CACNA1H: variants seen among roughly 807,000 people sequenced by gnomAD.
CACNA1H encodes the protein calcium voltage-gated channel subunit alpha1 H.
In CACNA1H, 149 loss-of-function variants were observed where a neutral mutation model predicts 192.5. That is an observed-to-expected ratio of 0.77 (90% CI 0.68 to 0.89). The LOEUF (loss-of-function observed/expected upper bound fraction) is 0.89. Among genes scored for constraint, CACNA1H ranks in the 40% least tolerant of loss-of-function variants. The probability of loss-of-function intolerance (pLI) is 0.00; values close to 1 mark genes in which losing one functional copy is unlikely to be tolerated. For missense variants in CACNA1H, 4,257 were observed against 3,423.5 expected, an observed-to-expected ratio of 1.24 and a Z score of -6.08; for synonymous variants, 2,202 against 1,475.2, an observed-to-expected ratio of 1.49 and a Z score of -11.29.
Position 1,195,191 on chromosome 16 carries a change from TGGGTCA to T in CACNA1H, c.411+114_411+119del, listed in dbSNP as rs1335962353. 4.2e-4 allele frequency: 179 copies of T among 424,172 alleles called. No individual in the cohort carries two copies. In the African/African-American group the frequency reaches 8.2e-3, roughly 19 times the overall value. The allele number at this position is 424,172 out of a possible 1,614,324, so 26.3% of individuals were successfully genotyped here. ...GCAAGGTTCAAGGTGGGGCGTGGAGTGGGTCAGGGTCGGGGATCAGGGCGAGGTTCA... is the reference window on the plus strand; with the variant it reads ...GCAAGGTTCAAGGTGGGGCGTGGAGTGGGTCGGGGATCAGGGCGAGGTTCA... On this transcript the variant is annotated intron_variant, in intron 3 of 34. Transcript: ENST00000348261.
chr16:1,189,144 A>G (rs79796885), intron 2 of CACNA1H, among the ~76,000 whole-genome samples: 5,286 of 152,224 alleles, frequency 0.035, 227 homozygotes, highest in African/African-American at 0.1. Flanking sequence ...GCGGTGTGCA[A>G]CAGGAAGCCT....
intron 2 of CACNA1H, among the ~76,000 whole-genome samples, chr16:1,168,330 A>G (rs953574487): frequency 3.9e-5 from 6 of 152,036 alleles, no homozygotes; most frequent in Middle Eastern, 3.4e-3. Flanking sequence ...CAAAGCAGGA[A>G]GGTCTGAAGC....
intron 2 of CACNA1H, among the ~76,000 whole-genome samples, chr16:1,174,886 CAG>C (rs1491232550): frequency 2.6e-5 from 4 of 152,112 alleles, no homozygotes; most frequent in South Asian, 4.1e-4. Context: ...GGTGGGCAGG[CAG>C]GGGGCCGGCG....
At position 1,202,175 on chromosome 16, in the gene CACNA1H, C is replaced by G. The variant is rs1968019257; in HGVS notation, c.1725C>G (p.Ile575Met). ...GPPDAESVHS[I>M]YHADCHIEGP... ...CCGACGCAGAGTCTGTGCACAGCATCTACCATGCCGACTGCCACATAGAGG... is the reference window on the plus strand; with the variant it reads ...CCGACGCAGAGTCTGTGCACAGCATGTACCATGCCGACTGCCACATAGAGG... The change falls in exon 9 of 35, where the codon ATC becomes ATG. Residue 575 changes from isoleucine to methionine, a missense_variant. Physicochemically the swap from Ile to Met is conservative, Grantham distance 10. Transcript: ENST00000348261. 1 of 1,552,330 alleles carries G rather than the reference C, an allele frequency of 6.4e-7. No homozygotes were observed. The highest frequency in any genetic ancestry group is 2.4e-5 in the East Asian group (1 of 41,000).
chr16:1,154,186 T>G, intron 2 of CACNA1H, 150 bp downstream of exon 2: 4 of 455,630 alleles, frequency 8.8e-6, no homozygotes, highest in Non-Finnish European at 6.8e-6. Flanking sequence ...GGGCAGGGGC[T>G]GGAGGACCGC....
intron 5 of CACNA1H, among the ~76,000 whole-genome samples, chr16:1,197,936 G>A (rs926350265): frequency 2.0e-5 from 3 of 152,146 alleles, no homozygotes; most frequent in African/African-American, 7.2e-5. Flanking sequence ...AGTTCACGTA[G>A]CCCATAGCAC....
chr16:1,167,773 G>A lies in CACNA1H; in HGVS notation c.299+13737G>A, dbSNP rs1271370844. Reference sequence around the variant, plus strand: ...TCCTTCAGGGACACACCCAGACACGGGAAACGGGACACCTGGAGCTGTGGC... The same window carrying A: ...TCCTTCAGGGACACACCCAGACACGAGAAACGGGACACCTGGAGCTGTGGC... On this transcript the variant is annotated intron_variant, in intron 2 of 34. Transcript: ENST00000348261. This position sits in a 1 kb window ranked among gnomAD's most constrained non-coding sequence, Gnocchi z 4.2. Among the ~76,000 whole-genome samples, 1 of 152,220 alleles carries A rather than the reference G, an allele frequency of 6.6e-6. No homozygotes were observed. Among genetic ancestry groups the A allele is most frequent in the African/African-American group, 2.4e-5 (1 of 41,458 alleles).
In CACNA1H at chr16:1,210,510, C is replaced by T; in HGVS notation, c.3969+17C>T. ...GGCAGCACCGTGAGTCAGCCAACCC[C>T]ATCGTCCCGGGCCACCACGACCCCC... On this transcript the variant is annotated intron_variant, in intron 19 of 34. Coordinates refer to ENST00000348261, the MANE Select transcript of CACNA1H (RefSeq NM_021098.3). 2 of 1,611,340 alleles carry T rather than the reference C, an allele frequency of 1.2e-6. No homozygotes were observed. Among genetic ancestry groups the T allele is most frequent in the Non-Finnish European group, 1.7e-6 (2 of 1,179,648 alleles).
chr16:1,220,916 C>A lies in CACNA1H; in HGVS notation c.6984C>A (p.Val2328=). 1.2e-6 allele frequency: 2 copies of A among 1,610,702 alleles called. No individual in the cohort carries two copies. Among genetic ancestry groups the A allele is most frequent in the Non-Finnish European group, 1.7e-6 (2 of 1,178,404 alleles). The change falls in exon 35 of 35, where the codon GTC becomes GTA. Residue 2328 remains valine (V), a synonymous_variant. Coordinates refer to ENST00000348261, the MANE Select transcript of CACNA1H (RefSeq NM_021098.3). ...AGAGGCGGGGGCTGTACCTCACAGTCCCCCAGTGTCCTCTGGAGAAACCAG... is the reference window on the plus strand; with the variant it reads ...AGAGGCGGGGGCTGTACCTCACAGTACCCCAGTGTCCTCTGGAGAAACCAG... ...PEKRRGLYLT[V]PQCPLEKPGS...
intron 26 of CACNA1H, among the ~76,000 whole-genome samples, 175 bp from the exon 27 acceptor site, chr16:1,213,605 T>A (rs1456435799): frequency 6.6e-6 from 1 of 151,982 alleles, no homozygotes; most frequent in Non-Finnish European, 1.5e-5. Context: ...AGAGTCCCCC[T>A]TCTCCAGTCT....
chr16:1,214,215 C>T (rs770481210), intron 27 of CACNA1H, among the ~76,000 whole-genome samples: 3 of 152,188 alleles, frequency 2.0e-5, no homozygotes, highest in Admixed American at 6.5e-5. Context: ...CGTGAGCATC[C>T]GACCCATGGG....
In CACNA1H at chr16:1,171,087, C is replaced by T. The variant is rs139124812; in HGVS notation, c.299+17051C>T. Among the ~76,000 whole-genome samples, 1,028 of 152,302 alleles carry T rather than the reference C, an allele frequency of 6.7e-3. 10 individuals carry two copies. Among genetic ancestry groups the T allele is most frequent in the Non-Finnish European group, 0.013 (861 of 68,002 alleles). ...ACCCTTGGCTCCCTGTCCCACTCCA[C>T]GGCCAGGCCTTTGTCCCTGCTGAGC... is the stretch of plus-strand genomic sequence containing the variant. On this transcript the variant is annotated intron_variant, in intron 2 of 34. Coordinates refer to ENST00000348261, the MANE Select transcript of CACNA1H (RefSeq NM_021098.3).
rs1969948150 is a variant in CACNA1H at position 1,215,519 on chromosome 16, C to T, written c.5174-4C>T. ...CCCTGCTGACGCTCAGCTCCCGGCCCTAGTGCTGAAGCTGCTGAAGATGGC... is the reference window on the plus strand; with the variant it reads ...CCCTGCTGACGCTCAGCTCCCGGCCTTAGTGCTGAAGCTGCTGAAGATGGC... On this transcript the variant is annotated splice_polypyrimidine_tract_variant and splice_region_variant and intron_variant, in intron 29 of 34. Transcript: ENST00000348261. 1.2e-6 allele frequency: 2 copies of T among 1,611,034 alleles called. No homozygotes were observed. Among genetic ancestry groups the T allele is most frequent in the African/African-American group, 1.3e-5 (1 of 75,026 alleles).
At chr16:1,155,120 G>A (rs538744979) in intron 2 of CACNA1H, among the ~76,000 whole-genome samples, 4 of 152,346 alleles carry the variant, frequency 2.6e-5, no homozygotes, top group Admixed American at 1.3e-4. Flanking sequence ...CACGAAAGAG[G>A]AATCTGTACA....
Position 1,215,000 on chromosome 16 carries a change from A to G in CACNA1H, c.4958A>G (p.Asn1653Ser), listed in dbSNP as rs2141374211. 4.3e-6 allele frequency: 7 copies of G among 1,612,122 alleles called. No individual in the cohort carries two copies. The South Asian group carries it at 7.7e-5, about 18-fold the overall frequency. The change falls in exon 28 of 35, where the codon AAC becomes AGC. Residue 1653 changes from asparagine (N) to serine (S), a missense_variant. Transcript: ENST00000348261. ...CTGGACGAGGCCCTCAAGTACTGCAACTACGTCTTCACCATCGTGTTTGTC... is the reference window on the plus strand; with the variant it reads ...CTGGACGAGGCCCTCAAGTACTGCAGCTACGTCTTCACCATCGTGTTTGTC... The part of the protein sequence containing the change: ...KSLDEALKYC[N>S]YVFTIVFVFE...
intron 18 of CACNA1H, 37 bp downstream of exon 18, chr16:1,210,172 C>G (rs541840902): frequency 4.1e-5 from 61 of 1,504,664 alleles, no homozygotes; most frequent in African/African-American, 1.4e-4. Context: ...ATGGCTAGTT[C>G]CACCCCACGG....
At chr16:1,188,758 CTG>C (rs1296072203) in intron 2 of CACNA1H, among the ~76,000 whole-genome samples, 1 of 152,228 alleles carries the variant, frequency 6.6e-6, no homozygotes, top group African/African-American at 2.4e-5. Context: ...CACTGAAGCT[CTG>C]TGTTTCCGGC....
At chr16:1,182,405 C>A (rs560371156) in intron 2 of CACNA1H, among the ~76,000 whole-genome samples, 29 of 152,268 alleles carry the variant, frequency 1.9e-4, no homozygotes, top group African/African-American at 7.0e-4. Flanking sequence ...CAGGTGGTGG[C>A]CTGTGGTGGG....
intron 2 of CACNA1H, among the ~76,000 whole-genome samples, chr16:1,163,440 C>G (rs1963431531): frequency 6.6e-6 from 1 of 152,238 alleles, no homozygotes; most frequent in African/African-American, 2.4e-5. Flanking sequence ...TGTGCCCAGC[C>G]CCCTCTGAAG....
Sources: allele counts gnomAD v4.1 joint callset (sites outside exome capture counted in the v4.1 genomes callset), GRCh38; gene constraint gnomAD v4.1.1; non-coding constraint Gnocchi (gnomAD v3.1); transcripts MANE v1.5; gene names NCBI Gene and HGNC (gene_info 2026-07-23, HGNC 2026-07-21).